The following RARG variants were observed in gnomAD, a reference collection of about 807,000 sequenced individuals.
RARG encodes the protein RAR-gamma.
In RARG, 17 loss-of-function variants were observed where a neutral mutation model predicts 43.7. The observed-to-expected ratio is 0.39, with a 90% CI of 0.27 to 0.58. The LOEUF (loss-of-function observed/expected upper bound fraction) is 0.58. Ranked by LOEUF, RARG falls within the 20% of genes least tolerant of loss-of-function variation. The pLI, the probability that RARG is intolerant of heterozygous loss-of-function variation, is 0.57. For synonymous variants in RARG, 238 were observed against 236.4 expected (o/e 1.01, Z -0.06); for missense variants, 346 against 598.7 (o/e 0.58, Z 4.40).
chr12:53,227,567 C>T lies in RARG; in HGVS notation c.-22G>A, dbSNP rs776308847. On this transcript the variant is annotated 5_prime_UTR_variant, in exon 3 of 10. Coordinates refer to ENST00000425354, the MANE Select transcript of RARG (RefSeq NM_000966.6). This position sits in a 1 kb window ranked among gnomAD's most constrained non-coding sequence, Gnocchi z 4.3. ...CCATGGCAGCTGCGGTGTGAGAGTC[C>T]CCTGGGGTCTGCAGTGGGCGGGCGA... 32 of 1,525,774 alleles carry T rather than the reference C, an allele frequency of 2.1e-5. No individual in the cohort carries two copies. The highest frequency in any genetic ancestry group is 2.8e-5 in the Non-Finnish European group (32 of 1,135,336). 94.5% of individuals were successfully genotyped at this position (1,525,774 alleles called of 1,614,324 possible). A position where few individuals can be genotyped will look rare whatever the true frequency, so the allele number is the denominator to read the frequency against.
In RARG at chr12:53,213,575, G is replaced by T. The variant is rs149713825; in HGVS notation, c.939C>A (p.Ala313=). ...GFGPLTDLVF[A]FAGQLLPLEM... is the part of the protein sequence containing the mutation. ...CCAGGGGCAGGAGCTGCCCAGCAAA[G>T]GCAAAGACAAGGTCTGTGAGGGGCC... is the stretch of plus-strand genomic sequence containing the variant. Residue 313 remains alanine (A), a synonymous_variant, in exon 8 of 10, where the codon GCC becomes GCA. Transcript: ENST00000425354. This position sits in a 1 kb window ranked among gnomAD's most constrained non-coding sequence, Gnocchi z 4.7. The T allele has an allele frequency of 2.5e-4, 399 of 1,614,202 alleles. No individual in the cohort carries two copies. The highest frequency in any genetic ancestry group is 3.7e-4 in the Admixed American group (22 of 60,028).
rs1943246405 is a variant in RARG at position 53,231,987 on chromosome 12, G to A, written c.-223C>T. 6 of 396,804 alleles carry A rather than the reference G, an allele frequency of 1.5e-5. No homozygotes were observed. In the East Asian group the frequency reaches 2.1e-4, roughly 14 times the overall value. 24.6% of individuals were successfully genotyped at this position (396,804 alleles called of 1,614,324 possible). On this transcript the variant is annotated 5_prime_UTR_variant, in exon 1 of 10. Transcript: ENST00000425354. ...CGCCTGACTCACCTGGAGTGGGAGG[G>A]GGAAGGGAGGCGGCGGAGCCCCGAG...
intron 3 of RARG, among the ~76,000 whole-genome samples, chr12:53,225,462 T>C (rs1565729706): frequency 6.6e-6 from 1 of 152,124 alleles, no homozygotes; most frequent in African/African-American, 2.4e-5. Context: ...ATGAACACAC[T>C]CTTTCCAGTG....
chr12:53,218,038 A>C (rs1236521663), intron 3 of RARG, among the ~76,000 whole-genome samples: 1 of 152,170 alleles, frequency 6.6e-6, no homozygotes, highest in African/African-American at 2.4e-5. Flanking sequence ...GCCAGAATAG[A>C]GACACACTCA....
chr12:53,214,858 C>G, intron 5 of RARG: 1 of 466,842 alleles, frequency 2.1e-6, no homozygotes, highest in Non-Finnish European at 3.8e-6. Context: ...TTCCTGTCAC[C>G]CTGCAGGAGC....
chr12:53,213,293 G>T lies in RARG; in HGVS notation c.1019-50C>A. ...GAGAGGGGAAGGAAGAGATGGGGAA[G>T]ACACAGTGACAGATGGCTGATCACC... On this transcript the variant is annotated intron_variant, in intron 8 of 9. Coordinates refer to ENST00000425354, the MANE Select transcript of RARG (RefSeq NM_000966.6). The surrounding 1 kb of genome is among the most constrained non-coding windows in gnomAD (Gnocchi z 4.7). 6.6e-7 allele frequency: 1 copy of T among 1,511,232 alleles called. No individual in the cohort carries two copies. Among genetic ancestry groups the T allele is most frequent in the Non-Finnish European group, 9.1e-7 (1 of 1,094,830 alleles). 93.6% of individuals were successfully genotyped at this position (1,511,232 alleles called of 1,614,324 possible).
rs1942679953 is a variant in RARG, at chr12:53,213,860, C to T, written c.814-160G>A. 1 of 1,086,220 alleles carries T rather than the reference C, an allele frequency of 9.2e-7. No homozygotes were observed. Among genetic ancestry groups the T allele is most frequent in the South Asian group, 1.5e-5 (1 of 67,264 alleles). The allele number at this position is 1,086,220 out of a possible 1,614,324, so 67.3% of individuals were successfully genotyped here. On this transcript the variant is annotated intron_variant, in intron 7 of 9. Transcript: ENST00000425354. The surrounding 1 kb of genome is among the most constrained non-coding windows in gnomAD (Gnocchi z 4.7). Reference sequence around the variant, plus strand: ...ATCTGAGGCTTGGCAGGGGTAGTCCCGGGAAGTCAGGAGGAGACAGGGCAT... The same window carrying T: ...ATCTGAGGCTTGGCAGGGGTAGTCCTGGGAAGTCAGGAGGAGACAGGGCAT...
intron 3 of RARG, among the ~76,000 whole-genome samples, chr12:53,222,273 A>G (rs1942993138): frequency 6.7e-6 from 1 of 148,710 alleles, no homozygotes; most frequent in Non-Finnish European, 1.5e-5. Context: ...AAGAAAAAGG[A>G]AGAAAGAGAA....
chr12:53,220,003 GAGCCGCCGGTGGCTCTGCGCAGCA>G, intron 3 of RARG: 1 of 1,524,850 alleles, frequency 6.6e-7, no homozygotes, highest in Non-Finnish European at 8.8e-7. Context: ...GGCGAAACAG[GAGCCGCCGGTGGCTCTGCGCAGCA>G]AGCCGGCCCC....
At chr12:53,225,289 C>A (rs968790044) in intron 3 of RARG, among the ~76,000 whole-genome samples, 1 of 152,230 alleles carries the variant, frequency 6.6e-6, no homozygotes, top group Non-Finnish European at 1.5e-5. Flanking sequence ...CTTCACCAAA[C>A]GCCAGCCACA....
At chr12:53,214,023 G>A in intron 7 of RARG, 36 bp downstream of exon 7, 2 of 1,592,208 alleles carry the variant, frequency 1.3e-6, no homozygotes, top group Non-Finnish European at 1.7e-6. Context: ...CCATATGTGG[G>A]TCGGGCTGTG....
intron 3 of RARG, among the ~76,000 whole-genome samples, chr12:53,217,957 C>T (rs1005817798): frequency 1.3e-5 from 2 of 152,178 alleles, no homozygotes; most frequent in African/African-American, 2.4e-5. Context: ...GTTAACAACA[C>T]ATAAGGCACC....
chr12:53,214,009 G>A (rs199955983), intron 7 of RARG, 50 bp downstream of exon 7: 4 of 1,555,492 alleles, frequency 2.6e-6, no homozygotes, highest in Non-Finnish European at 3.5e-6. Context: ...AATTGTTGAG[G>A]GTCCCATATG....
chr12:53,212,020 G>C (rs1208503744), intron 9 of RARG, among the ~76,000 whole-genome samples, 157 bp from the exon 10 acceptor site: 2 of 152,152 alleles, frequency 1.3e-5, no homozygotes, highest in Admixed American at 1.3e-4. Flanking sequence ...CTTCTCACTA[G>C]GCTTCCTGGG....
intron 3 of RARG, chr12:53,220,375 T>C: frequency 1.2e-6 from 1 of 850,380 alleles, no homozygotes; most frequent in Non-Finnish European, 1.4e-6. Context: ...GGAGACCTTT[T>C]TTAAAAGCGA....
intron 6 of RARG, 88 bp downstream of exon 6, chr12:53,214,358 C>T: frequency 6.5e-7 from 1 of 1,549,962 alleles, no homozygotes; most frequent in Non-Finnish European, 8.8e-7. Flanking sequence ...GTCCTCAGCA[C>T]CAGTCGATGA....
chr12:53,210,842 G>A lies in RARG; in HGVS notation c.*834C>T, dbSNP rs896034986. On this transcript the variant is annotated 3_prime_UTR_variant, in exon 10 of 10. Coordinates refer to ENST00000425354, the MANE Select transcript of RARG (RefSeq NM_000966.6). The stretch of plus-strand genomic sequence containing the variant: ...AAACAAAAGCTAATAAATAAATAGA[G>A]GCTTCCTCTGGGTCAGGGCGGGATC... 3.3e-5 allele frequency: 5 copies of A among 152,494 alleles called. No individual in the cohort carries two copies. The highest frequency in any genetic ancestry group is 9.7e-5 in the African/African-American group (4 of 41,432). 9.4% of individuals were successfully genotyped at this position (152,494 alleles called of 1,614,324 possible).
chr12:53,213,928 A>G lies in RARG; in HGVS notation c.813+131T>C. The G allele has an allele frequency of 8.2e-7, 1 of 1,222,006 alleles. No individual in the cohort carries two copies. The highest frequency in any genetic ancestry group is 1.2e-6 in the Non-Finnish European group (1 of 868,316). The allele number at this position is 1,222,006 out of a possible 1,614,324, so 75.7% of individuals were successfully genotyped here. ...GGTCATAGGGGCAGAGGCTAAGACGAAAAGAGAGCTGAGGAGTCCCACATG... is the reference window on the plus strand; with the variant it reads ...GGTCATAGGGGCAGAGGCTAAGACGGAAAGAGAGCTGAGGAGTCCCACATG... On this transcript the variant is annotated intron_variant, in intron 7 of 9. Transcript: ENST00000425354. This position sits in a 1 kb window ranked among gnomAD's most constrained non-coding sequence, Gnocchi z 4.7.
chr12:53,218,231 C>G (rs147650558), intron 3 of RARG, among the ~76,000 whole-genome samples: 1 of 152,160 alleles, frequency 6.6e-6, no homozygotes, highest in African/African-American at 2.4e-5. Flanking sequence ...CCTCCACCCC[C>G]CAAGCACCCT....
Sources: gnomAD v4.1 joint callset for allele counts (sites outside exome capture counted in the v4.1 genomes callset) on GRCh38, gnomAD v4.1.1 for gene constraint, Gnocchi (gnomAD v3.1) non-coding constraint, MANE v1.5 for transcripts, NCBI Gene and HGNC (gene_info 2026-07-23, HGNC 2026-07-21) for gene names.